Variants in HNRNPR observed in about 807,000 individuals in gnomAD.
HNRNPR encodes the protein heterogeneous nuclear ribonucleoprotein R.
A neutral mutation model predicts 70.3 loss-of-function variants in HNRNPR; 4 were observed. The observed-to-expected ratio is 0.06, with a 90% CI of 0.03 to 0.13. The LOEUF is 0.13. HNRNPR is among the 10% of genes least tolerant of loss of function. The pLI, the probability that HNRNPR is intolerant of heterozygous loss-of-function variation, is 1.00. For missense variants in HNRNPR, 423 were observed against 788.5 expected (o/e 0.54, Z 5.55); for synonymous variants, 241 against 267.6 (o/e 0.90, Z 0.97).
chr1:23,312,280 T>C (rs1645366433), intron 9 of HNRNPR, among the ~76,000 whole-genome samples: 1 of 152,198 alleles, frequency 6.6e-6, no homozygotes, highest in Non-Finnish European at 1.5e-5. Flanking sequence ...CTTCCTGGCA[T>C]AAATTAAAAA....
intron 8 of HNRNPR, among the ~76,000 whole-genome samples, chr1:23,317,233 C>G (rs1645580174): frequency 6.6e-6 from 1 of 151,092 alleles, no homozygotes; most frequent in African/African-American, 2.4e-5. Context: ...CCGAGGCGGG[C>G]GGTTCACAGG....
In HNRNPR at chr1:23,323,697, C is replaced by T. The variant is rs879148994; in HGVS notation, c.534G>A (p.Glu178=). ...TCTCAAAAAGGGGCACCAACTCATC[C>T]TCATATAAATCCCTTGGTATTTTGC... is the stretch of plus-strand genomic sequence containing the variant. The part of the protein sequence containing the change: ...FVGKIPRDLY[E]DELVPLFEKA... Residue 178 remains glutamate, a synonymous_variant, in exon 6 of 11, where the codon GAG becomes GAA. Transcript: ENST00000302271. 1.2e-6 allele frequency: 2 copies of T among 1,614,086 alleles called. No homozygotes were observed. The highest frequency in any genetic ancestry group is 2.2e-5 in the East Asian group (1 of 44,878).
intron 6 of HNRNPR, among the ~76,000 whole-genome samples, chr1:23,322,364 T>C (rs1298176243): frequency 6.6e-6 from 1 of 151,926 alleles, no homozygotes; most frequent in Non-Finnish European, 1.5e-5. Flanking sequence ...GCCTCCCAAG[T>C]AGCTGGGACT....
At chr1:23,330,686 T>C (rs1026538308) in intron 5 of HNRNPR, among the ~76,000 whole-genome samples, 7 of 152,200 alleles carry the variant, frequency 4.6e-5, no homozygotes, top group African/African-American at 1.7e-4. Context: ...CCTTGCATAT[T>C]TCTCATCTCA....
intron 4 of HNRNPR, among the ~76,000 whole-genome samples, chr1:23,336,571 CAAAAAAAAA>C (rs869203047): frequency 4.9e-5 from 2 of 41,180 alleles, no homozygotes; most frequent in Non-Finnish European, 8.5e-5. Context: ...GACTCCGTCT[CAAAAAAAAA>C]AAAAAAAAAA....
Position 23,321,565 on chromosome 1 carries a change from A to G in HNRNPR, c.774T>C (p.Thr258=). 6.2e-7 allele frequency: 1 copy of G among 1,613,440 alleles called. No individual in the cohort carries two copies. The change falls in exon 7 of 11, where the codon ACT becomes ACC. Residue 258 remains threonine, a synonymous_variant. Coordinates refer to ENST00000302271, the MANE Select transcript of HNRNPR (RefSeq NM_005826.5). ...TGAATTCTTCCAAAATGTTTTCTTT[A>G]GTCTTATTCTTCGGAATGGATCCAA... ...LFVGSIPKNK[T]KENILEEFSK...
intron 4 of HNRNPR, among the ~76,000 whole-genome samples, chr1:23,335,989 C>T (rs1646461151): frequency 6.7e-6 from 1 of 148,380 alleles, no homozygotes; most frequent in Non-Finnish European, 1.5e-5. Flanking sequence ...TAGTGGCGGG[C>T]GCCTGTAGTC....
At chr1:23,316,522 C>A (rs1645553252) in intron 8 of HNRNPR, among the ~76,000 whole-genome samples, 1 of 152,174 alleles carries the variant, frequency 6.6e-6, no homozygotes, top group African/African-American at 2.4e-5. Flanking sequence ...AAGCAAATTA[C>A]AAGCTATACT....
intron 5 of HNRNPR, among the ~76,000 whole-genome samples, chr1:23,324,461 G>A (rs1288085696): frequency 6.6e-6 from 1 of 152,048 alleles, no homozygotes; most frequent in Non-Finnish European, 1.5e-5. Flanking sequence ...CCAGCTACTT[G>A]GGAGGCTGAG....
At chr1:23,338,919 TAC>T (rs1267435252) in intron 2 of HNRNPR, among the ~76,000 whole-genome samples, 1 of 152,234 alleles carries the variant, frequency 6.6e-6, no homozygotes, top group Non-Finnish European at 1.5e-5. Flanking sequence ...AAATCTGATG[TAC>T]ATACTGTATT....
Position 23,318,794 on chromosome 1 carries a change from G to T in HNRNPR, c.812-106C>A. 2.1e-6 allele frequency: 2 copies of T among 962,714 alleles called. No homozygotes were observed. Among genetic ancestry groups the T allele is most frequent in the Non-Finnish European group, 3.2e-6 (2 of 632,658 alleles). 59.6% of individuals were successfully genotyped at this position (962,714 alleles called of 1,614,324 possible). On this transcript the variant is annotated intron_variant, in intron 7 of 10. Transcript: ENST00000302271. This position sits in a 1 kb window ranked among gnomAD's most constrained non-coding sequence, Gnocchi z 4.2. ...CGATGAGCAAAATATAAGTGAAGCAGCCTCAACATGAGTCACTAATTTTGT... is the reference window on the plus strand; with the variant it reads ...CGATGAGCAAAATATAAGTGAAGCATCCTCAACATGAGTCACTAATTTTGT...
intron 4 of HNRNPR, among the ~76,000 whole-genome samples, chr1:23,336,564 T>A (rs1368808019): frequency 7.9e-5 from 7 of 88,126 alleles, no homozygotes; most frequent in African/African-American, 3.3e-4. Context: ...AGAGGGAGAC[T>A]CCGTCTCAAA....
At chr1:23,314,724 T>C (rs1194475340) in intron 8 of HNRNPR, among the ~76,000 whole-genome samples, 1 of 152,204 alleles carries the variant, frequency 6.6e-6, no homozygotes, top group Admixed American at 6.5e-5. Flanking sequence ...AATAATTCTC[T>C]TGTATTTTGC....
In HNRNPR at chr1:23,318,191, C is replaced by T. The variant is rs1645624928; in HGVS notation, c.1017+292G>A. On this transcript the variant is annotated intron_variant, in intron 8 of 10. Coordinates refer to ENST00000302271, the MANE Select transcript of HNRNPR (RefSeq NM_005826.5). This position sits in a 1 kb window ranked among gnomAD's most constrained non-coding sequence, Gnocchi z 4.2. ...TTTAAAAAAAAAAAAAACCTCTATC[C>T]CTCACAGTGCCTAGCACTAAACAAA... Among the ~76,000 whole-genome samples the T allele has an allele frequency of 6.6e-6, 1 of 151,208 alleles. No homozygotes were observed. Among genetic ancestry groups the T allele is most frequent in the Non-Finnish European group, 1.5e-5 (1 of 67,806 alleles).
chr1:23,312,527 A>C (rs967769871), intron 9 of HNRNPR, among the ~76,000 whole-genome samples: 3 of 152,222 alleles, frequency 2.0e-5, no homozygotes, highest in Admixed American at 6.5e-5. Flanking sequence ...TAAGAGTATA[A>C]CAGCATAACA....
intron 8 of HNRNPR, among the ~76,000 whole-genome samples, chr1:23,315,295 A>AC (rs1557834687): frequency 2.0e-5 from 3 of 150,628 alleles, no homozygotes; most frequent in East Asian, 1.9e-4. Context: ...AAAAAAAAAA[A>AC]AAAAAAAAAA....
intron 5 of HNRNPR, among the ~76,000 whole-genome samples, chr1:23,332,701 C>CAA (rs565860178): frequency 0.023 from 1,998 of 87,280 alleles, 39 homozygotes; most frequent in African/African-American, 0.066. Flanking sequence ...AATTCCATCT[C>CAA]AAAAAAAAAA....
chr1:23,335,818 A>T (rs1022537221), intron 4 of HNRNPR, among the ~76,000 whole-genome samples: 1 of 152,098 alleles, frequency 6.6e-6, no homozygotes, highest in South Asian at 2.1e-4. Flanking sequence ...AACTATTTCT[A>T]ATTAAAAAGT....
intron 8 of HNRNPR, among the ~76,000 whole-genome samples, chr1:23,315,413 A>C (rs1282806401): frequency 1.3e-5 from 2 of 152,090 alleles, no homozygotes; most frequent in African/African-American, 4.8e-5. Context: ...AGTGTTTTTT[A>C]ACTATTTAGT....
Sources: gnomAD v4.1 joint callset for allele counts (sites outside exome capture counted in the v4.1 genomes callset) on GRCh38, gnomAD v4.1.1 for gene constraint, Gnocchi (gnomAD v3.1) non-coding constraint, MANE v1.5 for transcripts, NCBI Gene and HGNC (gene_info 2026-07-23, HGNC 2026-07-21) for gene names.